COMP: variants seen among roughly 807,000 people sequenced by gnomAD.
COMP encodes cartilage oligomeric matrix protein.
A neutral mutation model predicts 95.8 loss-of-function variants in COMP; 79 were observed. That is an observed-to-expected ratio of 0.82 (90% CI 0.69 to 0.99). The LOEUF is 0.99. Ranked by LOEUF, COMP falls within the 50% of genes least tolerant of loss-of-function variation. The probability of loss-of-function intolerance (pLI) is 0.00; values close to 1 mark genes in which losing one functional copy is unlikely to be tolerated. For missense variants in COMP, 906 were observed against 1,076.1 expected (o/e 0.84, Z 2.21); for synonymous variants, 438 against 433.9 (o/e 1.01, Z -0.12).
rs956661159 is a variant in COMP at position 18,788,607 on chromosome 19, G to C, written c.747C>G (p.Gly249=). The C allele has an allele frequency of 3.9e-6, 6 of 1,551,542 alleles. No individual in the cohort carries two copies. Among genetic ancestry groups the C allele is most frequent in the Non-Finnish European group, 5.2e-6 (6 of 1,148,162 alleles). ...CCGCACTCACCACGCACGACCGCGA[G>C]CCATCGCGCTCTAGGACGCAGTCTG... ...EHADCVLERD[G]SRSCVCAVGW... Residue 249 remains glycine (G), a synonymous_variant, in exon 7 of 19, where the codon GGC becomes GGG. Transcript: ENST00000222271. The surrounding 1 kb of genome is among the most constrained non-coding windows in gnomAD (Gnocchi z 4.7).
intron 15 of COMP, 55 bp downstream of exon 15, chr19:18,785,443 G>A: frequency 6.2e-7 from 1 of 1,607,132 alleles, no homozygotes; most frequent in Non-Finnish European, 8.5e-7. Context: ...CCCTTCTCTG[G>A]CCCCTCTCCC....
At position 18,789,417 on chromosome 19, in the gene COMP, G is replaced by T; in HGVS notation, c.391-120C>A. Reference sequence around the variant, plus strand: ...CATATGCCAGTGCTTGGAGCTCTGAGATGGAAGCAATTGTCGCAGGGGTCA... The same window carrying T: ...CATATGCCAGTGCTTGGAGCTCTGATATGGAAGCAATTGTCGCAGGGGTCA... On this transcript the variant is annotated intron_variant, in intron 4 of 18. Coordinates refer to ENST00000222271, the MANE Select transcript of COMP (RefSeq NM_000095.3). The surrounding 1 kb of genome is among the most constrained non-coding windows in gnomAD (Gnocchi z 6.1). 8.8e-7 allele frequency: 1 copy of T among 1,135,128 alleles called. No homozygotes were observed. Among genetic ancestry groups the T allele is most frequent in the Non-Finnish European group, 1.2e-6 (1 of 832,390 alleles). The allele number at this position is 1,135,128 out of a possible 1,614,324, so 70.3% of individuals were successfully genotyped here.
Position 18,788,789 on chromosome 19 carries a change from C to A in COMP, c.604-39G>T, listed in dbSNP as rs1424033318. 6.2e-7 allele frequency: 1 copy of A among 1,607,638 alleles called. No homozygotes were observed. Among genetic ancestry groups the A allele is most frequent in the Admixed American group, 1.7e-5 (1 of 59,534 alleles). On this transcript the variant is annotated intron_variant, in intron 6 of 18. Transcript: ENST00000222271. The surrounding 1 kb of genome is among the most constrained non-coding windows in gnomAD (Gnocchi z 4.7). ...GCCGGAGGTCAGCGCAGGCCGCCCG[C>A]CGCTCGCCCCACCTCCCGCGATCCT...
chr19:18,790,011 G>A lies in COMP; in HGVS notation c.321C>T (p.Ser107=). 6.3e-7 allele frequency: 1 copy of A among 1,587,450 alleles called. No individual in the cohort carries two copies. The highest frequency in any genetic ancestry group is 8.5e-7 in the Non-Finnish European group (1 of 1,173,796). ...CGGGGCAGGGGCCGCAGCGCGCGCC[G>A]CTCTCCGTCTGGATGCAGGCCACGC... is the stretch of plus-strand genomic sequence containing the variant. ...FPGVACIQTE[S]GARCGPCPAG... The change falls in exon 4 of 19, where the codon AGC becomes AGT. Residue 107 remains serine, a synonymous_variant. Transcript: ENST00000222271.
rs1437674679 is a variant in COMP at position 18,787,662 on chromosome 19, G to T, written c.976-12C>A. On this transcript the variant is annotated splice_polypyrimidine_tract_variant and intron_variant, in intron 9 of 18. Transcript: ENST00000222271. ...AGCGGGCAGTTGTCCTGGATGACAG[G>T]GTGGGTTAAGGGTGAGATCAGGTCG... 6.2e-7 allele frequency: 1 copy of T among 1,613,212 alleles called. No homozygotes were observed. The highest frequency in any genetic ancestry group is 8.5e-7 in the Non-Finnish European group (1 of 1,179,994).
chr19:18,790,134 G>A lies in COMP; in HGVS notation c.218-20C>T. 2.0e-6 allele frequency: 3 copies of A among 1,514,086 alleles called. No homozygotes were observed. The East Asian group carries it at 7.4e-5, about 37-fold the overall frequency. The allele number at this position is 1,514,086 out of a possible 1,614,324, so 93.8% of individuals were successfully genotyped here. On this transcript the variant is annotated intron_variant, in intron 3 of 18. Transcript: ENST00000222271. ...GCATCCCTGCGGGGGGGAGGGGGGA[G>A]AAGCGGCGGGGCTGATCGGTGGCTC...
chr19:18,788,136 T>G lies in COMP; in HGVS notation c.975+76A>C. ...CCAGGATGGTCTCCATCTCTTGACC[T>G]CGTGATCCGCCCGCCTCGGCCTCCC... On this transcript the variant is annotated intron_variant, in intron 9 of 18. Transcript: ENST00000222271. This position sits in a 1 kb window ranked among gnomAD's most constrained non-coding sequence, Gnocchi z 4.7. 8.1e-7 allele frequency: 1 copy of G among 1,239,734 alleles called. No individual in the cohort carries two copies. The highest frequency in any genetic ancestry group is 1.2e-6 in the Non-Finnish European group (1 of 854,412). 76.8% of individuals were successfully genotyped at this position (1,239,734 alleles called of 1,614,324 possible).
At chr19:18,783,671 A>G (rs2055142759) in intron 17 of COMP, among the ~76,000 whole-genome samples, 1 of 148,276 alleles carries the variant, frequency 6.7e-6, no homozygotes, top group Non-Finnish European at 1.5e-5. Context: ...GTGCAATGGC[A>G]CGATCTCCAC....
At chr19:18,783,897 A>C (rs963492778) in intron 17 of COMP, among the ~76,000 whole-genome samples, 4 of 152,172 alleles carry the variant, frequency 2.6e-5, no homozygotes, top group African/African-American at 9.7e-5. Flanking sequence ...GGCATGAGCC[A>C]CTGCGCCTGG....
Position 18,784,799 on chromosome 19 carries a change from T to C in COMP, c.1914+97A>G. 1 of 1,374,960 alleles carries C rather than the reference T, an allele frequency of 7.3e-7. No homozygotes were observed. Among genetic ancestry groups the C allele is most frequent in the Non-Finnish European group, 1.0e-6 (1 of 978,038 alleles). 85.2% of individuals were successfully genotyped at this position (1,374,960 alleles called of 1,614,324 possible). The stretch of plus-strand genomic sequence containing the variant: ...AGCTTTGAGGTCCATAGTATGAGGC[T>C]AGGGGGCTGGGGGGCTCTAAGGGCT... On this transcript the variant is annotated intron_variant, in intron 16 of 18. Coordinates refer to ENST00000222271, the MANE Select transcript of COMP (RefSeq NM_000095.3). This position sits in a 1 kb window ranked among gnomAD's most constrained non-coding sequence, Gnocchi z 4.9.
At position 18,789,662 on chromosome 19, in the gene COMP, G is replaced by A. The variant is rs2055196729; in HGVS notation, c.390+280C>T. 6.6e-6 allele frequency among the ~76,000 whole-genome samples: 1 copy of A among 151,572 alleles called. No individual in the cohort carries two copies. The highest frequency in any genetic ancestry group is 1.5e-5 in the Non-Finnish European group (1 of 67,870). ...CTGGCGATCCCCTGCGGCGAGGAGG[G>A]TAGCTGGGGCGGACCACCCCTGGCG... is the stretch of plus-strand genomic sequence containing the variant. On this transcript the variant is annotated intron_variant, in intron 4 of 18. Coordinates refer to ENST00000222271, the MANE Select transcript of COMP (RefSeq NM_000095.3). The surrounding 1 kb of genome is among the most constrained non-coding windows in gnomAD (Gnocchi z 6.1).
chr19:18,786,762 G>GTTTTTTTTTTTTTTTTTT, intron 10 of COMP, 112 bp from the exon 11 acceptor site: 1 of 289,952 alleles, frequency 3.4e-6, no homozygotes, highest in Admixed American at 5.8e-5. Context: ...CTTCATGGAA[G>GTTTTTTTTTTTTTTTTTT]CTTTTTTTTT....
In COMP at chr19:18,789,410, G is replaced by C. The variant is rs1275692222; in HGVS notation, c.391-113C>G. ...CAAGGGCCATATGCCAGTGCTTGGA[G>C]CTCTGAGATGGAAGCAATTGTCGCA... On this transcript the variant is annotated intron_variant, in intron 4 of 18. Coordinates refer to ENST00000222271, the MANE Select transcript of COMP (RefSeq NM_000095.3). The surrounding 1 kb of genome is among the most constrained non-coding windows in gnomAD (Gnocchi z 6.1). 1 of 1,166,304 alleles carries C rather than the reference G, an allele frequency of 8.6e-7. No homozygotes were observed. The highest frequency in any genetic ancestry group is 1.2e-6 in the Non-Finnish European group (1 of 859,836). The allele number at this position is 1,166,304 out of a possible 1,614,324, so 72.2% of individuals were successfully genotyped here.
At position 18,787,294 on chromosome 19, in the gene COMP, A is replaced by G. The variant is rs559637584; in HGVS notation, c.1135+197T>C. On this transcript the variant is annotated intron_variant, in intron 10 of 18. Transcript: ENST00000222271. ...TGACACAGGGACCACCTTCCCTTCC[A>G]AATATCCCTGCGTTTTTCCTGGCCT... is the stretch of plus-strand genomic sequence containing the variant. Among the ~76,000 whole-genome samples the G allele has an allele frequency of 2.0e-5, 3 of 152,312 alleles. No individual in the cohort carries two copies. In the South Asian group the frequency reaches 6.2e-4, roughly 32 times the overall value.
chr19:18,790,984 A>G, intron 1 of COMP, 49 bp from the exon 2 acceptor site: 1 of 1,543,566 alleles, frequency 6.5e-7, no homozygotes, highest in Non-Finnish European at 8.7e-7. Context: ...GGGGAATCCC[A>G]CCACCAACTC....
chr19:18,786,611 T>G lies in COMP; in HGVS notation c.1175A>C (p.Asn392Thr). 1 of 1,613,962 alleles carries G rather than the reference T, an allele frequency of 6.2e-7. No homozygotes were observed. Among genetic ancestry groups the G allele is most frequent in the East Asian group, 2.2e-5 (1 of 44,854 alleles). Reference protein sequence around the residue: ...NQADNCPRVPNSDQKDSDGDG... With the variant: ...NQADNCPRVPTSDQKDSDGDG... ...GCCATCACTGTCCTTCTGGTCTGAG[T>G]TGGGTACCCTAGGGCAGTTGTCGGC... The change falls in exon 11 of 19, where the codon AAC becomes ACC. Residue 392 changes from asparagine to threonine, a missense_variant. Coordinates refer to ENST00000222271, the MANE Select transcript of COMP (RefSeq NM_000095.3).
rs906297106 is a variant in COMP, at chr19:18,789,932, G to C, written c.390+10C>G. The C allele has an allele frequency of 1.3e-6, 2 of 1,593,586 alleles. No homozygotes were observed. The highest frequency in any genetic ancestry group is 1.7e-6 in the Non-Finnish European group (2 of 1,178,208). Reference sequence around the variant, plus strand: ...GTCGTCAGGGCGGTGGAGTGTCGGGGCTAGCGCACCTCGTTGACGTCGGTG... The same window carrying C: ...GTCGTCAGGGCGGTGGAGTGTCGGGCCTAGCGCACCTCGTTGACGTCGGTG... On this transcript the variant is annotated intron_variant, in intron 4 of 18. Coordinates refer to ENST00000222271, the MANE Select transcript of COMP (RefSeq NM_000095.3). This position sits in a 1 kb window ranked among gnomAD's most constrained non-coding sequence, Gnocchi z 6.1.
rs200638121 is a variant in COMP at position 18,789,292 on chromosome 19, G to T, written c.396C>A (p.Asn132Lys). ...GGACTCGGGGGAAGCAGGGGTGGGC[G>T]TTGCACTGGGGGAGGAGGGGCCACA... ...GSHCTDVNEC[N>K]AHPCFPRVRC... Residue 132 changes from asparagine to lysine, a missense_variant, in exon 5 of 19, where the codon AAC (asparagine) becomes AAA (lysine). Asn to Lys is a moderately conservative substitution (Grantham distance 94). Coordinates refer to ENST00000222271, the MANE Select transcript of COMP (RefSeq NM_000095.3). The surrounding 1 kb of genome is among the most constrained non-coding windows in gnomAD (Gnocchi z 6.1). The T allele has an allele frequency of 4.7e-6, 7 of 1,489,422 alleles. No homozygotes were observed. Among genetic ancestry groups the T allele is most frequent in the Non-Finnish European group, 6.2e-6 (7 of 1,122,540 alleles). 92.3% of individuals were successfully genotyped at this position (1,489,422 alleles called of 1,614,324 possible).
rs1015010258 is a variant in COMP at position 18,789,479 on chromosome 19, C to T, written c.391-182G>A. ...GCCTTGATGACGGCAAGGGCGCAAC[C>T]GGGAGAGGAGAGGAGAGCTGTTCCC... On this transcript the variant is annotated intron_variant, in intron 4 of 18. Coordinates refer to ENST00000222271, the MANE Select transcript of COMP (RefSeq NM_000095.3). The surrounding 1 kb of genome is among the most constrained non-coding windows in gnomAD (Gnocchi z 6.1). Among the ~76,000 whole-genome samples the T allele has an allele frequency of 6.6e-6, 1 of 151,886 alleles. No individual in the cohort carries two copies. The highest frequency in any genetic ancestry group is 1.9e-4 in the East Asian group (1 of 5,156).
Sources: allele counts gnomAD v4.1 joint callset (sites outside exome capture counted in the v4.1 genomes callset), GRCh38; gene constraint gnomAD v4.1.1; non-coding constraint Gnocchi (gnomAD v3.1); transcripts MANE v1.5; gene names NCBI Gene and HGNC (gene_info 2026-07-23, HGNC 2026-07-21).